The following AKAP13 variants were observed in gnomAD, a reference collection of about 807,000 sequenced individuals.
AKAP13 encodes A-kinase anchoring protein 13, also known as A-kinase anchor protein 13.
AKAP13 carries 80 observed loss-of-function variants against 264.5 expected under a neutral mutation model. That is an observed-to-expected ratio of 0.30 (90% CI 0.25 to 0.36). The LOEUF (loss-of-function observed/expected upper bound fraction) is 0.36. Among genes scored for constraint, AKAP13 ranks in the 10% least tolerant of loss-of-function variants. AKAP13 has a pLI of 1.00. For synonymous variants in AKAP13, 1,380 were observed against 1,250.2 expected (o/e 1.10, Z -2.19); for missense variants, 3,712 against 3,435.2 (o/e 1.08, Z -2.01).
intron 17 of AKAP13, among the ~76,000 whole-genome samples, chr15:85,698,616 C>T (rs1373060528): frequency 6.6e-6 from 1 of 150,930 alleles, no homozygotes; most frequent in African/African-American, 2.4e-5. Flanking sequence ...ACAAAAGCAA[C>T]CATAGACGAT....
chr15:85,579,625 T>C lies in AKAP13; in HGVS notation c.1557T>C (p.Ser519=), dbSNP rs768791516. 3.7e-6 allele frequency: 6 copies of C among 1,614,238 alleles called. No homozygotes were observed. The South Asian group carries it at 6.6e-5, about 18-fold the overall frequency. ...ENSNIGTAGA[S]DVHVTSKPVD... The stretch of plus-strand genomic sequence containing the variant: ...CTAATATTGGCACAGCTGGAGCCTC[T>C]GACGTGCACGTCACAAGTAAGCCTG... The change falls in exon 7 of 37, where the codon TCT becomes TCC. Residue 519 remains serine, a synonymous_variant. Transcript: ENST00000394518.
chr15:85,471,704 G>A (rs1360915853), intron 1 of AKAP13, among the ~76,000 whole-genome samples: 1 of 152,192 alleles, frequency 6.6e-6, no homozygotes, highest in Non-Finnish European at 1.5e-5. Flanking sequence ...GTCCAGGCAA[G>A]CACTGGTTTA....
intron 8 of AKAP13, among the ~76,000 whole-genome samples, chr15:85,605,283 A>G (rs923515316): frequency 3.3e-5 from 5 of 152,248 alleles, no homozygotes; most frequent in Admixed American, 2.6e-4. Flanking sequence ...TATAAATTCC[A>G]GAGGGAGATA....
intron 3 of AKAP13, among the ~76,000 whole-genome samples, chr15:85,527,900 T>A (rs1211030791): frequency 6.6e-6 from 1 of 152,220 alleles, no homozygotes; most frequent in Non-Finnish European, 1.5e-5. Flanking sequence ...ATAAAGATAT[T>A]ATTTTTATAT....
intron 5 of AKAP13, among the ~76,000 whole-genome samples, chr15:85,545,434 A>G (rs2077702327): frequency 1.3e-5 from 2 of 152,232 alleles, no homozygotes; most frequent in Non-Finnish European, 1.5e-5. Flanking sequence ...TTATTGCAGC[A>G]CAGCTTTAAG....
chr15:85,506,465 G>A (rs1016422611), intron 2 of AKAP13, among the ~76,000 whole-genome samples: 2 of 152,146 alleles, frequency 1.3e-5, no homozygotes, highest in African/African-American at 4.8e-5. Flanking sequence ...CAGTTGGGAG[G>A]AAAGGGGAAC....
At chr15:85,698,059 A>G (rs930876950) in intron 17 of AKAP13, among the ~76,000 whole-genome samples, 1 of 152,210 alleles carries the variant, frequency 6.6e-6, no homozygotes, top group Admixed American at 6.5e-5. Flanking sequence ...GATCCTTCGT[A>G]CTTATTTATT....
intron 10 of AKAP13, among the ~76,000 whole-genome samples, chr15:85,652,028 A>T (rs372787449): frequency 1.3e-5 from 2 of 152,226 alleles, no homozygotes; most frequent in Admixed American, 1.3e-4. Context: ...TGCAGTAAAA[A>T]TAATGAGTAT....
In AKAP13 at chr15:85,747,849, T is replaced by G. The variant is rs1567231386; in HGVS notation, c.*3172T>G. The G allele has an allele frequency of 1.3e-5, 2 of 153,326 alleles. No homozygotes were observed. The highest frequency in any genetic ancestry group is 4.8e-5 in the African/African-American group (2 of 41,442). 9.5% of individuals were successfully genotyped at this position (153,326 alleles called of 1,614,324 possible). On this transcript the variant is annotated 3_prime_UTR_variant, in exon 37 of 37. Coordinates refer to ENST00000394518, the MANE Select transcript of AKAP13 (RefSeq NM_007200.5). ...TTTTTTCCCCTTCTGTGTCTCAGGGTAATACTATTCAGAGTCGCCCCTTTG... is the reference window on the plus strand; with the variant it reads ...TTTTTTCCCCTTCTGTGTCTCAGGGGAATACTATTCAGAGTCGCCCCTTTG...
At chr15:85,643,843 C>T (rs147243183) in intron 9 of AKAP13, among the ~76,000 whole-genome samples, 15 of 152,246 alleles carry the variant, frequency 9.9e-5, no homozygotes, top group African/African-American at 3.4e-4. Context: ...GTTTGACTGT[C>T]GTGACCCCAT....
At chr15:85,437,009 C>A (rs1258997859) in intron 1 of AKAP13, among the ~76,000 whole-genome samples, 1 of 147,608 alleles carries the variant, frequency 6.8e-6, no homozygotes, top group Non-Finnish European at 1.5e-5. Flanking sequence ...AAAAACCCTT[C>A]AAAAAATCAA....
chr15:85,654,985 C>T (rs2083032172), intron 10 of AKAP13, among the ~76,000 whole-genome samples: 2 of 151,834 alleles, frequency 1.3e-5, no homozygotes, highest in African/African-American at 4.8e-5. Flanking sequence ...TGAAGTTAGG[C>T]GTTACAGACC....
chr15:85,580,163 A>G lies in AKAP13; in HGVS notation c.2095A>G (p.Ser699Gly). 6.2e-7 allele frequency: 1 copy of G among 1,614,232 alleles called. No homozygotes were observed. ...CGAAAGCACCACAGCAAGGCAACCC[A>G]GCTCACAAGATCCACCCGATGCCTC... ...ESESTTARQP[S>G]SQDPPDASHC... The change falls in exon 7 of 37, where the codon AGC becomes GGC. Residue 699 changes from serine to glycine, a missense_variant. Around this residue, in one of 3 missense-constraint regions of AKAP13, gnomAD observed 2,759 missense variants for 2,411.7 expected, o/e 1.14. Transcript: ENST00000394518.
chr15:85,652,535 C>G (rs1258362986), intron 10 of AKAP13, among the ~76,000 whole-genome samples: 1 of 152,082 alleles, frequency 6.6e-6, no homozygotes, highest in Non-Finnish European at 1.5e-5. Context: ...TTCTGTTTGT[C>G]CCTTGGTATT....
intron 12 of AKAP13, chr15:85,662,413 C>T (rs780590920): frequency 6.2e-7 from 1 of 1,614,114 alleles, no homozygotes; most frequent in South Asian, 1.1e-5. Flanking sequence ...CTCTGGTGTG[C>T]AGTACTCTGC....
At chr15:85,682,950 A>AGCCACCGCACGTGGCCACG (rs6145666) in intron 15 of AKAP13, among the ~76,000 whole-genome samples, 1 of 152,196 alleles carries the variant, frequency 6.6e-6, no homozygotes, top group Non-Finnish European at 1.5e-5. Context: ...TACAGGCGTG[A>AGCCACCGCACGTGGCCACG]AATTGATTCT....
intron 1 of AKAP13, among the ~76,000 whole-genome samples, chr15:85,477,728 C>G (rs1302034969): frequency 6.7e-6 from 1 of 150,076 alleles, no homozygotes; most frequent in Non-Finnish European, 1.5e-5. Context: ...AGCTGCAACA[C>G]ATTTATTTTT....
At chr15:85,598,656 G>A (rs192384532) in intron 8 of AKAP13, among the ~76,000 whole-genome samples, 39 of 152,258 alleles carry the variant, frequency 2.6e-4, no homozygotes, top group Admixed American at 4.6e-4. Flanking sequence ...TGCCATGGTG[G>A]GTAAAATAAG....
rs1012699675 is a variant in AKAP13, at chr15:85,749,019, G to A, written c.*4342G>A. The A allele has an allele frequency of 6.6e-6, 1 of 152,332 alleles. No individual in the cohort carries two copies. The highest frequency in any genetic ancestry group is 1.5e-5 in the Non-Finnish European group (1 of 68,116). 9.4% of individuals were successfully genotyped at this position (152,332 alleles called of 1,614,324 possible). A position where few individuals can be genotyped will look rare whatever the true frequency, so the allele number is the denominator to read the frequency against. ...CTGTGTGCTGCTGCCCGCATGGGATGCGCAGGGGAGGCGTGGGGATCCGCA... is the reference window on the plus strand; with the variant it reads ...CTGTGTGCTGCTGCCCGCATGGGATACGCAGGGGAGGCGTGGGGATCCGCA... On this transcript the variant is annotated 3_prime_UTR_variant, in exon 37 of 37. Coordinates refer to ENST00000394518, the MANE Select transcript of AKAP13 (RefSeq NM_007200.5).
Sources: allele counts gnomAD v4.1 joint callset (sites outside exome capture counted in the v4.1 genomes callset), GRCh38; gene constraint gnomAD v4.1.1; regional missense constraint gnomAD v4.1.1; transcripts MANE v1.5; gene names NCBI Gene and HGNC (gene_info 2026-07-23, HGNC 2026-07-21).